Variants in TMPRSS6 observed in about 807,000 individuals in gnomAD.
TMPRSS6 encodes transmembrane protease serine 6.
In TMPRSS6, 67 loss-of-function variants were observed where a neutral mutation model predicts 101.5. That is an observed-to-expected ratio of 0.66 (90% CI 0.54 to 0.81). TMPRSS6 has a LOEUF of 0.81. Ranked by LOEUF, TMPRSS6 falls within the 30% of genes least tolerant of loss-of-function variation. TMPRSS6 has a pLI of 0.00. For synonymous variants in TMPRSS6, 453 were observed against 464.9 expected (o/e 0.97, Z 0.33); for missense variants, 1,034 against 1,088.7 (o/e 0.95, Z 0.71).
intron 6 of TMPRSS6, among the ~76,000 whole-genome samples, chr22:37,094,219 A>G (rs1329862170): frequency 6.6e-6 from 1 of 152,162 alleles, no homozygotes; most frequent in Non-Finnish European, 1.5e-5. Context: ...GTAGAGGTAG[A>G]TGTTAACTTT....
intron 10 of TMPRSS6, among the ~76,000 whole-genome samples, chr22:37,076,063 AAAAG>A (rs981601260): frequency 2.6e-5 from 4 of 151,548 alleles, no homozygotes; most frequent in African/African-American, 9.7e-5. Context: ...AGGGAAAGAA[AAAAG>A]AAAAGAAAAG....
intron 1 of TMPRSS6, among the ~76,000 whole-genome samples, chr22:37,104,733 A>G (rs914675584): frequency 2.6e-5 from 4 of 152,088 alleles, no homozygotes; most frequent in African/African-American, 4.8e-5. Flanking sequence ...GGCTGAGGTG[A>G]GTGGATCACC....
At position 37,096,865 on chromosome 22, in the gene TMPRSS6, T is replaced by C; in HGVS notation, c.337-150A>G. 2.5e-6 allele frequency: 2 copies of C among 790,918 alleles called. 1 individual carries two copies. Among genetic ancestry groups the C allele is most frequent in the Non-Finnish European group, 4.3e-6 (2 of 466,746 alleles). 49.0% of individuals were successfully genotyped at this position (790,918 alleles called of 1,614,324 possible). Reference sequence around the variant, plus strand: ...AGGCTTGATCACGGTCACACAGTGCTGAGTGGCCGGGCCGGGGCATGCATG... The same window carrying C: ...AGGCTTGATCACGGTCACACAGTGCCGAGTGGCCGGGCCGGGGCATGCATG... On this transcript the variant is annotated intron_variant, in intron 3 of 17. Transcript: ENST00000676104.
At chr22:37,073,485 A>G in intron 13 of TMPRSS6, 47 bp downstream of exon 13, 1 of 1,351,890 alleles carries the variant, frequency 7.4e-7, no homozygotes, top group Non-Finnish European at 1.1e-6. Flanking sequence ...TAGCAGGCCT[A>G]GACTGCCTTT....
At chr22:37,107,100 G>A (rs1930761704) in intron 1 of TMPRSS6, among the ~76,000 whole-genome samples, 1 of 152,242 alleles carries the variant, frequency 6.6e-6, no homozygotes. Context: ...AAACTGCCAA[G>A]TCTCTAGGCC....
intron 1 of TMPRSS6, among the ~76,000 whole-genome samples, chr22:37,105,668 G>A (rs573394593): frequency 4.6e-5 from 7 of 152,112 alleles, no homozygotes; most frequent in South Asian, 2.1e-4. Context: ...CCATATTCCC[G>A]TCGCACCCCT....
intron 2 of TMPRSS6, among the ~76,000 whole-genome samples, chr22:37,099,653 C>T (rs901385884): frequency 6.6e-6 from 1 of 152,126 alleles, no homozygotes; most frequent in Non-Finnish European, 1.5e-5. Flanking sequence ...AGGAATCAGA[C>T]GGTAAACCAC....
In TMPRSS6 at chr22:37,101,641, T is replaced by TG. The variant is rs1410400218; in HGVS notation, c.202+1574dup. On this transcript the variant is annotated intron_variant, in intron 2 of 17. Transcript: ENST00000676104. The surrounding 1 kb of genome is among the most constrained non-coding windows in gnomAD (Gnocchi z 4.1). ...CCTCCTTCAACCCTTAATCCCTCTG[T>TG]GGGGGAGTTGGCTTCCCCCAGCAGA... Among the ~76,000 whole-genome samples the TG allele has an allele frequency of 1.3e-5, 2 of 152,104 alleles. No individual in the cohort carries two copies. The highest frequency in any genetic ancestry group is 4.8e-5 in the African/African-American group (2 of 41,408).
chr22:37,091,405 C>A (rs1929249638), intron 6 of TMPRSS6, among the ~76,000 whole-genome samples: 1 of 152,134 alleles, frequency 6.6e-6, no homozygotes. Context: ...TGAGGGCAGG[C>A]CCCCCAGGCT....
intron 10 of TMPRSS6, among the ~76,000 whole-genome samples, chr22:37,079,008 A>AGAAAGAAAGAAAGAAAGAAG (rs1928036583): frequency 6.6e-6 from 1 of 151,974 alleles, no homozygotes; most frequent in Non-Finnish European, 1.5e-5. Context: ...AAAGAAAGAA[A>AGAAAGAAAGAAAGAAAGAAG]GAAAGAAAGA....
Position 37,099,337 on chromosome 22 carries a change from C to T in TMPRSS6, c.203-788G>A, listed in dbSNP as rs189780468. Reference sequence around the variant, plus strand: ...TGGAGCAGTCAGAGATGGGGAGGGGCGGCAAGGAGCTGGGGCCTCCGCAGG... The same window carrying T: ...TGGAGCAGTCAGAGATGGGGAGGGGTGGCAAGGAGCTGGGGCCTCCGCAGG... On this transcript the variant is annotated intron_variant, in intron 2 of 17. Coordinates refer to ENST00000676104, the MANE Select transcript of TMPRSS6 (RefSeq NM_001374504.1). Among the ~76,000 whole-genome samples, 74 of 152,280 alleles carry T rather than the reference C, an allele frequency of 4.9e-4. No individual in the cohort carries two copies. The East Asian group carries it at 0.012, about 25-fold the overall frequency.
chr22:37,096,398 G>A (rs73421618), intron 4 of TMPRSS6, among the ~76,000 whole-genome samples: 3,179 of 152,218 alleles, frequency 0.021, 124 homozygotes, highest in African/African-American at 0.072. Flanking sequence ...ACATCGCCTC[G>A]CCTGATGGTG....
chr22:37,095,776 TG>T (rs943167371), intron 5 of TMPRSS6, 129 bp downstream of exon 5: 136 of 1,310,166 alleles, frequency 1.0e-4, no homozygotes, highest in Non-Finnish European at 1.4e-4. Context: ...CTACCTCACC[TG>T]GGGGGCTCTC....
intron 10 of TMPRSS6, among the ~76,000 whole-genome samples, chr22:37,077,776 TTAA>T (rs1449025911): frequency 2.0e-5 from 3 of 152,264 alleles, no homozygotes; most frequent in African/African-American, 4.8e-5. Context: ...ATTAAAAGAA[TTAA>T]TAAACATTTT....
At chr22:37,082,497 C>T (rs1404067329) in intron 10 of TMPRSS6, 1 of 163,654 alleles carries the variant, frequency 6.1e-6, no homozygotes, top group Non-Finnish European at 1.4e-5. Context: ...ATCATGGATC[C>T]ATCTCAGGGT....
In TMPRSS6 at chr22:37,070,471, C is replaced by T. The variant is rs774763853; in HGVS notation, c.1841+13G>A. 1 of 1,613,364 alleles carries T rather than the reference C, an allele frequency of 6.2e-7. No individual in the cohort carries two copies. The highest frequency in any genetic ancestry group is 1.3e-5 in the African/African-American group (1 of 75,026). ...GTCTCTTACTGCCTAGGCCCCCACA[C>T]CCTCCCGCTCACCTGTCCTCCTGGA... On this transcript the variant is annotated intron_variant, in intron 15 of 17. Transcript: ENST00000676104.
chr22:37,089,300 C>G (rs930682430), intron 7 of TMPRSS6, among the ~76,000 whole-genome samples: 3 of 152,156 alleles, frequency 2.0e-5, no homozygotes, highest in Non-Finnish European at 4.4e-5. Flanking sequence ...TCCCAACAAG[C>G]CACGGTGCCT....
intron 6 of TMPRSS6, among the ~76,000 whole-genome samples, chr22:37,090,086 G>A (rs1048822223): frequency 6.6e-6 from 1 of 152,246 alleles, no homozygotes; most frequent in Non-Finnish European, 1.5e-5. Context: ...GGGACAGACA[G>A]ACACAGAACA....
At chr22:37,093,223 A>T (rs1929423692) in intron 6 of TMPRSS6, among the ~76,000 whole-genome samples, 1 of 152,112 alleles carries the variant, frequency 6.6e-6, no homozygotes, top group South Asian at 2.1e-4. Context: ...TCAATCATTC[A>T]TTCATGAAAC....
Sources: gnomAD v4.1 joint callset for allele counts (sites outside exome capture counted in the v4.1 genomes callset) on GRCh38, gnomAD v4.1.1 for gene constraint, Gnocchi (gnomAD v3.1) non-coding constraint, MANE v1.5 for transcripts, NCBI Gene and HGNC (gene_info 2026-07-23, HGNC 2026-07-21) for gene names.